Variants in ACOX3 observed in about 807,000 individuals in gnomAD.
ACOX3 encodes peroxisomal acyl-coenzyme A oxidase 3.
ACOX3 carries 73 observed loss-of-function variants against 81.5 expected under a neutral mutation model. The observed-to-expected ratio is 0.90, with a 90% CI of 0.74 to 1.09. The LOEUF is 1.09. ACOX3 is among the 50% of genes least tolerant of loss of function. ACOX3 has a pLI of 0.00. For synonymous variants in ACOX3, 387 were observed against 375.1 expected (o/e 1.03, Z -0.37); for missense variants, 947 against 928.0 (o/e 1.02, Z -0.27).
Position 8,389,589 on chromosome 4 carries a change from A to C in ACOX3, c.1423+23T>G, listed in dbSNP as rs1053952861. 6.8e-6 allele frequency: 11 copies of C among 1,613,202 alleles called. No homozygotes were observed. The highest frequency in any genetic ancestry group is 1.7e-4 in the Middle Eastern group (1 of 5,724). On this transcript the variant is annotated intron_variant, in intron 12 of 17. Coordinates refer to ENST00000356406, the MANE Select transcript of ACOX3 (RefSeq NM_003501.3). The surrounding 1 kb of genome is among the most constrained non-coding windows in gnomAD (Gnocchi z 5.3). ...GCCCCAGTTGGGTTCCAGCGCCCCC[A>C]CCAGTGTGCAGCAGAGCCTCACCGT...
chr4:8,381,896 G>A lies in ACOX3; in HGVS notation c.1538-289C>T, dbSNP rs534898037. 5.3e-5 allele frequency among the ~76,000 whole-genome samples: 8 copies of A among 152,370 alleles called. No individual in the cohort carries two copies. The South Asian group carries it at 1.2e-3, about 24-fold the overall frequency. On this transcript the variant is annotated intron_variant, in intron 13 of 17. Coordinates refer to ENST00000356406, the MANE Select transcript of ACOX3 (RefSeq NM_003501.3). The surrounding 1 kb of genome is among the most constrained non-coding windows in gnomAD (Gnocchi z 4.3). ...GAGGCCACAGGAACACGGTGCCGCC[G>A]CTAGAGTGGGCCCCCGAGTGGGACG...
intron 7 of ACOX3, among the ~76,000 whole-genome samples, chr4:8,401,513 C>A (rs1407095556): frequency 1.3e-5 from 2 of 152,178 alleles, no homozygotes; most frequent in African/African-American, 4.8e-5. Context: ...CACCTCCATC[C>A]CTACTCAGCT....
At position 8,405,892 on chromosome 4, in the gene ACOX3, T is replaced by C; in HGVS notation, c.776+63A>G. 6.7e-7 allele frequency: 1 copy of C among 1,503,366 alleles called. No homozygotes were observed. 93.1% of individuals were successfully genotyped at this position (1,503,366 alleles called of 1,614,324 possible). ...CATGGGGCCAGTGAGATCTCAGACA[T>C]GAGCGACAACGCAGCCTGGGCCTTG... is the stretch of plus-strand genomic sequence containing the variant. On this transcript the variant is annotated intron_variant, in intron 7 of 17. Coordinates refer to ENST00000356406, the MANE Select transcript of ACOX3 (RefSeq NM_003501.3). The surrounding 1 kb of genome is among the most constrained non-coding windows in gnomAD (Gnocchi z 7.1).
At position 8,395,350 on chromosome 4, in the gene ACOX3, G is replaced by GGGTGGGTGGATGCGTGGACA. The variant is rs1292045508; in HGVS notation, c.1057-628_1057-609dup. 7.9e-3 allele frequency among the ~76,000 whole-genome samples: 1,167 copies of GGGTGGGTGGATGCGTGGACA among 147,120 alleles called. 23 individuals carry two copies. The highest frequency in any genetic ancestry group is 0.028 in the African/African-American group (1,095 of 38,554). ...TGAATCCGTAGATGGGTAGATGGAT[G>GGGTGGGTGGATGCGTGGACA]GGTGGGTGGATGCGTGGACAGGTGG... On this transcript the variant is annotated intron_variant, in intron 9 of 17. Coordinates refer to ENST00000356406, the MANE Select transcript of ACOX3 (RefSeq NM_003501.3).
intron 9 of ACOX3, 33 bp downstream of exon 9, chr4:8,396,904 G>T: frequency 6.3e-7 from 1 of 1,595,352 alleles, no homozygotes. Context: ...ATAAAATAGA[G>T]AGACAGTGAA....
chr4:8,370,581 G>C lies in ACOX3; in HGVS notation c.1983+327C>G, dbSNP rs1266105321. Among the ~76,000 whole-genome samples, 1 of 151,962 alleles carries C rather than the reference G, an allele frequency of 6.6e-6. No individual in the cohort carries two copies. Among genetic ancestry groups the C allele is most frequent in the Non-Finnish European group, 1.5e-5 (1 of 67,950 alleles). On this transcript the variant is annotated intron_variant, in intron 17 of 17. Coordinates refer to ENST00000356406, the MANE Select transcript of ACOX3 (RefSeq NM_003501.3). This position sits in a 1 kb window ranked among gnomAD's most constrained non-coding sequence, Gnocchi z 6.3. Reference sequence around the variant, plus strand: ...TCAGATGGGGGTAAGACCTGGGACCGGGGAGGCCGGGGGGAGTGGGAGGAG... The same window carrying C: ...TCAGATGGGGGTAAGACCTGGGACCCGGGAGGCCGGGGGGAGTGGGAGGAG...
At chr4:8,421,659 G>A (rs573995221) in intron 1 of ACOX3, among the ~76,000 whole-genome samples, 2 of 152,314 alleles carry the variant, frequency 1.3e-5, no homozygotes, top group African/African-American at 2.4e-5. Context: ...AAGTATTAGA[G>A]CAAGTTGTAT....
At position 8,414,878 on chromosome 4, in the gene ACOX3, A is replaced by G. The variant is rs1722150540; in HGVS notation, c.429T>C (p.Tyr143=). The change falls in exon 4 of 18, where the codon TAT becomes TAC. Residue 143 remains tyrosine, a synonymous_variant. Coordinates refer to ENST00000356406, the MANE Select transcript of ACOX3 (RefSeq NM_003501.3). The surrounding 1 kb of genome is among the most constrained non-coding windows in gnomAD (Gnocchi z 6.1). The stretch of plus-strand genomic sequence containing the variant: ...CCTCCATCCTGAAGATCTTTTGAAT[A>G]TATGTGAGATGTCTTTCAGAACCAG... ...YSSGSERHLT[Y]IQKIFRMEIF... is the part of the protein sequence containing the mutation. The G allele has an allele frequency of 1.2e-6, 2 of 1,614,122 alleles. No individual in the cohort carries two copies. The highest frequency in any genetic ancestry group is 2.2e-5 in the East Asian group (1 of 44,906).
At chr4:8,375,236 G>A in intron 14 of ACOX3, 84 bp from the exon 15 acceptor site, 5 of 1,365,884 alleles carry the variant, frequency 3.7e-6, no homozygotes, top group Non-Finnish European at 4.9e-6. Flanking sequence ...CAGGAAACAC[G>A]AACGCGGGTC....
chr4:8,429,337 G>C (rs944841704), intron 1 of ACOX3, among the ~76,000 whole-genome samples: 1 of 152,216 alleles, frequency 6.6e-6, no homozygotes, highest in South Asian at 2.1e-4. Flanking sequence ...AGAAAGGGGA[G>C]GGGAGTCTAG....
Position 8,384,214 on chromosome 4 carries a change from T to C in ACOX3, c.1538-2607A>G, listed in dbSNP as rs576475111. Among the ~76,000 whole-genome samples, 1 of 152,340 alleles carries C rather than the reference T, an allele frequency of 6.6e-6. No individual in the cohort carries two copies. The highest frequency in any genetic ancestry group is 2.1e-4 in the South Asian group (1 of 4,830). On this transcript the variant is annotated intron_variant, in intron 13 of 17. Coordinates refer to ENST00000356406, the MANE Select transcript of ACOX3 (RefSeq NM_003501.3). The surrounding 1 kb of genome is among the most constrained non-coding windows in gnomAD (Gnocchi z 5.3). ...GGGACGCTTGAGAAATGAGTTATGTTTGCACTGTGTTTTTTCCTTACACTC... is the reference window on the plus strand; with the variant it reads ...GGGACGCTTGAGAAATGAGTTATGTCTGCACTGTGTTTTTTCCTTACACTC...
chr4:8,415,759 T>G lies in ACOX3; in HGVS notation c.378+7A>C, dbSNP rs374850721. On this transcript the variant is annotated splice_region_variant and intron_variant, in intron 3 of 17. Transcript: ENST00000356406. ...CCGTTTCCCTCTCCCCTAGGCCGCA[T>G]GCTCACCAAGCTATGGAGGAGGTAC... is the stretch of plus-strand genomic sequence containing the variant. 4.3e-6 allele frequency: 7 copies of G among 1,613,062 alleles called. No individual in the cohort carries two copies. In the African/African-American group the frequency reaches 8.0e-5, roughly 18 times the overall value.
chr4:8,415,952 G>A lies in ACOX3; in HGVS notation c.192C>T (p.Ser64=), dbSNP rs866522981. The A allele has an allele frequency of 2.5e-6, 4 of 1,614,098 alleles. No individual in the cohort carries two copies. The highest frequency in any genetic ancestry group is 4.5e-5 in the East Asian group (2 of 44,900). ...ALENDPLFAR[S]PGADLSLEKY... is the part of the protein sequence containing the mutation. Reference sequence around the variant, plus strand: ...TCTCCAAGGACAGATCGGCTCCAGGGGAACGAGCGAAAAGAGGGTCATTCT... The same window carrying A: ...TCTCCAAGGACAGATCGGCTCCAGGAGAACGAGCGAAAAGAGGGTCATTCT... Residue 64 remains serine (S), a synonymous_variant, in exon 3 of 18, where the codon TCC becomes TCT. Transcript: ENST00000356406.
At chr4:8,415,680 C>G in intron 3 of ACOX3, 86 bp downstream of exon 3, 1 of 1,152,090 alleles carries the variant, frequency 8.7e-7, no homozygotes, top group Non-Finnish European at 1.3e-6. Flanking sequence ...TGTTTCTCTG[C>G]CTCTTGGTTG....
chr4:8,433,034 C>T (rs1312360106), intron 1 of ACOX3, among the ~76,000 whole-genome samples: 2 of 152,216 alleles, frequency 1.3e-5, no homozygotes, highest in South Asian at 4.1e-4. Context: ...CACAGAAAGT[C>T]CTACAGGACA....
downstream of ACOX3, among the ~76,000 whole-genome samples, chr4:8,365,619 G>A (rs186839844): frequency 1.1e-3 from 170 of 152,240 alleles, 2 homozygotes; most frequent in Middle Eastern, 0.01. Context: ...CACCCCACGC[G>A]GTTGGCTGAG....
At chr4:8,357,443 C>A in the ACOX3 span, 5 of 354,692 alleles carry the variant, frequency 1.4e-5, no homozygotes, top group Non-Finnish European at 2.8e-5. Context: ...GCAACTATTT[C>A]TCCATGTGGA....
intron 16 of ACOX3, among the ~76,000 whole-genome samples, chr4:8,371,302 G>C (rs1310350648): frequency 6.6e-6 from 1 of 152,186 alleles, no homozygotes; most frequent in Non-Finnish European, 1.5e-5. Context: ...GCATTCAGAG[G>C]CTCGTTTCTA....
chr4:8,359,395 C>G, the ACOX3 span, among the ~76,000 whole-genome samples: 1 of 151,736 alleles, frequency 6.6e-6, no homozygotes, highest in Non-Finnish European at 1.5e-5. This position sits in a 1 kb window ranked among gnomAD's most constrained non-coding sequence, Gnocchi z 6.0. Context: ...CTTGCTCAAC[C>G]TTGGGTTAGA....
Sources: gnomAD v4.1 joint callset for allele counts (sites outside exome capture counted in the v4.1 genomes callset) on GRCh38, gnomAD v4.1.1 for gene constraint, Gnocchi (gnomAD v3.1) non-coding constraint, MANE v1.5 for transcripts, NCBI Gene and HGNC (gene_info 2026-07-23, HGNC 2026-07-21) for gene names.